The following USP40 variants were observed in gnomAD, a reference collection of about 807,000 sequenced individuals.
USP40 encodes ubiquitin specific peptidase 40.
In USP40, 143 loss-of-function variants were observed where a neutral mutation model predicts 166.2. The ratio of observed to expected loss-of-function variants is 0.86; its 90% CI spans 0.75 to 0.99. The LOEUF (loss-of-function observed/expected upper bound fraction) is 0.99. Ranked by LOEUF, USP40 falls within the 50% of genes least tolerant of loss-of-function variation. The pLI is 0.00. For missense variants in USP40, 1,444 were observed against 1,479.7 expected, an observed-to-expected ratio of 0.98 and a Z score of 0.40; for synonymous variants, 498 against 524.0, an observed-to-expected ratio of 0.95 and a Z score of 0.68.
chr2:233,535,910 A>G (rs549420782), intron 10 of USP40, among the ~76,000 whole-genome samples: 5 of 152,352 alleles, frequency 3.3e-5, no homozygotes, highest in African/African-American at 4.8e-5. Flanking sequence ...ACCACAAAAA[A>G]TAAGTATTTG....
rs539030582 is a variant in USP40, at chr2:233,500,022, A to C, written c.2614-107T>G. 206 of 861,190 alleles carry C rather than the reference A, an allele frequency of 2.4e-4. No homozygotes were observed. The African/African-American group carries it at 3.3e-3, about 14-fold the overall frequency. The allele number at this position is 861,190 out of a possible 1,614,324, so 53.3% of individuals were successfully genotyped here. ...GCCTATTTAAGTCTGACTATATTTAATGATTCTTGAATAGGCAAGGATAGA... is the reference window on the plus strand; with the variant it reads ...GCCTATTTAAGTCTGACTATATTTACTGATTCTTGAATAGGCAAGGATAGA... On this transcript the variant is annotated intron_variant, in intron 21 of 31. Transcript: ENST00000678225.
At chr2:233,551,347 A>G in intron 7 of USP40, 29 bp downstream of exon 7, 1 of 1,567,378 alleles carries the variant, frequency 6.4e-7, no homozygotes, top group East Asian at 2.3e-5. Flanking sequence ...AGGGGAAAAG[A>G]AAGAATTTAA....
intron 8 of USP40, among the ~76,000 whole-genome samples, chr2:233,543,572 G>A (rs1253772261): frequency 6.6e-6 from 1 of 152,178 alleles, no homozygotes. Context: ...CACAAAAGAT[G>A]AGCCCTCATG....
intron 23 of USP40, among the ~76,000 whole-genome samples, chr2:233,497,546 G>T (rs2125098565): frequency 6.6e-6 from 1 of 152,128 alleles, no homozygotes; most frequent in Middle Eastern, 3.4e-3. Context: ...AAGATAAGGA[G>T]GATATTTTAC....
chr2:233,490,891 T>C, intron 26 of USP40: 5 of 527,188 alleles, frequency 9.5e-6, no homozygotes, highest in Non-Finnish European at 1.8e-5. Context: ...CATGTTTCCC[T>C]AAAAAAATAA....
intron 4 of USP40, among the ~76,000 whole-genome samples, chr2:233,557,412 C>A (rs547426537): frequency 6.6e-6 from 1 of 152,214 alleles, no homozygotes; most frequent in Admixed American, 6.5e-5. Flanking sequence ...TGTGAATAGT[C>A]CGAATTATCA....
At chr2:233,554,317 A>G (rs1015306662) in intron 6 of USP40, 63 bp downstream of exon 6, 2 of 1,451,042 alleles carry the variant, frequency 1.4e-6, no homozygotes, top group African/African-American at 2.9e-5. Flanking sequence ...ACTTTTTCAT[A>G]CAAGTTGACT....
chr2:233,488,384 T>C (rs1429382466), intron 27 of USP40, 80 bp from the exon 28 acceptor site: 2 of 1,354,690 alleles, frequency 1.5e-6, no homozygotes, highest in African/African-American at 2.9e-5. Context: ...AATTTTAAGC[T>C]TTTTTCTTAA....
intron 31 of USP40, among the ~76,000 whole-genome samples, chr2:233,478,839 C>T (rs2064350183): frequency 6.6e-6 from 1 of 152,188 alleles, no homozygotes; most frequent in Admixed American, 6.5e-5. Context: ...AGCTTCTCTG[C>T]CCCTATACAC....
At chr2:233,521,204 A>G in intron 16 of USP40, 90 bp from the exon 17 acceptor site, 1 of 1,417,246 alleles carries the variant, frequency 7.1e-7, no homozygotes, top group Non-Finnish European at 9.4e-7. Context: ...GTGACTAATT[A>G]GAGGTGACCA....
At chr2:233,494,936 A>ATATATATT (rs2065609203) in intron 24 of USP40, among the ~76,000 whole-genome samples, 2 of 62,606 alleles carry the variant, frequency 3.2e-5, no homozygotes, top group Admixed American at 1.5e-4. Context: ...ATATATATAT[A>ATATATATT]TATATATATA....
At chr2:233,491,339 G>T (rs891698946) in intron 25 of USP40, 78 bp from the exon 26 acceptor site, 15 of 1,056,716 alleles carry the variant, frequency 1.4e-5, no homozygotes, top group Non-Finnish European at 1.9e-5. Flanking sequence ...GCCATGTTTT[G>T]ATATTGTAAA....
rs1274689313 is a variant in USP40 at position 233,475,617 on chromosome 2, G to T, written c.*1775C>A. On this transcript the variant is annotated 3_prime_UTR_variant, in exon 32 of 32. Transcript: ENST00000678225. The stretch of plus-strand genomic sequence containing the variant: ...TAAAAAAACAGAAAACAGGAAGAAA[G>T]GGAAGAAGGCAAAGGCCACACGCAC... 1 of 152,386 alleles carries T rather than the reference G, an allele frequency of 6.6e-6. No homozygotes were observed. Among genetic ancestry groups the T allele is most frequent in the Non-Finnish European group, 1.5e-5 (1 of 68,046 alleles). The allele number at this position is 152,386 out of a possible 1,614,324, so 9.4% of individuals were successfully genotyped here. A position where few individuals can be genotyped will look rare whatever the true frequency, so the allele number is the denominator to read the frequency against.
chr2:233,526,621 A>G (rs2068053132), intron 13 of USP40, among the ~76,000 whole-genome samples: 2 of 152,228 alleles, frequency 1.3e-5, no homozygotes, highest in Admixed American at 1.3e-4. Context: ...AAAAAACACA[A>G]AAAAGCTAAC....
At chr2:233,491,382 C>T in intron 25 of USP40, 121 bp from the exon 26 acceptor site, 2 of 763,424 alleles carry the variant, frequency 2.6e-6, no homozygotes, top group Non-Finnish European at 4.4e-6. Flanking sequence ...AGAGCCTCTG[C>T]ATCCAAGTCT....
chr2:233,491,634 GTC>G (rs151306455), intron 25 of USP40, among the ~76,000 whole-genome samples: 2 of 145,174 alleles, frequency 1.4e-5, no homozygotes, highest in South Asian at 2.2e-4. Context: ...GTGTGTGTGT[GTC>G]TGTCTGTCTG....
chr2:233,497,064 T>C (rs1575236899), intron 23 of USP40, among the ~76,000 whole-genome samples: 1 of 152,254 alleles, frequency 6.6e-6, no homozygotes, highest in African/African-American at 2.4e-5. Flanking sequence ...GGGAGTTAGA[T>C]GAGATGAGAA....
rs1204208425 is a variant in USP40, at chr2:233,533,706, G to A, written c.1244C>T (p.Ser415Phe). The change falls in exon 11 of 32, where the codon TCT becomes TTT. Residue 415 changes from serine (S) to phenylalanine (F), a missense_variant. By Grantham distance (155) the Ser-to-Phe change is radical (BLOSUM62 -2). Transcript: ENST00000678225. ...TTGGAAATCAGACTCAGCCTGGAGA[G>A]AACTATTCTTCAAGAGACGAACTGT... ...ESTVRLLKNS[S>F]LQAESDFQRN... 1 of 1,613,088 alleles carries A rather than the reference G, an allele frequency of 6.2e-7. No homozygotes were observed. Among genetic ancestry groups the A allele is most frequent in the Admixed American group, 1.7e-5 (1 of 59,910 alleles).
chr2:233,527,463 C>T lies in USP40; in HGVS notation c.1669G>A (p.Asp557Asn), dbSNP rs762824317. The T allele has an allele frequency of 6.2e-7, 1 of 1,613,742 alleles. No individual in the cohort carries two copies. The highest frequency in any genetic ancestry group is 2.2e-5 in the East Asian group (1 of 44,862). Residue 557 changes from aspartate to asparagine, a missense_variant, in exon 13 of 32, where the codon GAT becomes AAT. Asp to Asn is a conservative substitution (Grantham distance 23). Transcript: ENST00000678225. ...GTTTTTCTTTTATCAAAGGTCAAAT[C>T]CCACACGCTTTCTGTTTGAGAGACT... ...PVVSQTESVW[D>N]LTFDKRKTLG...
Sources: gnomAD v4.1 joint callset for allele counts (sites outside exome capture counted in the v4.1 genomes callset) on GRCh38, gnomAD v4.1.1 for gene constraint, MANE v1.5 for transcripts, NCBI Gene and HGNC (gene_info 2026-07-23, HGNC 2026-07-21) for gene names.